GNAT2: variants seen among roughly 807,000 people sequenced by gnomAD.
The protein encoded by GNAT2 is guanine nucleotide-binding protein G(t) subunit alpha-2.
In GNAT2, 32 loss-of-function variants were observed where a neutral mutation model predicts 40.9. That is an observed-to-expected ratio of 0.78 (90% CI 0.59 to 1.05). The LOEUF (loss-of-function observed/expected upper bound fraction) is 1.05, where lower values mean the gene tolerates loss of function less well. Among genes scored for constraint, GNAT2 ranks in the 50% least tolerant of loss-of-function variants. The pLI is 0.00. For synonymous variants in GNAT2, 141 were observed against 157.2 expected (o/e 0.90, Z 0.77); for missense variants, 355 against 431.5 (o/e 0.82, Z 1.57).
chr1:109,604,732 C>T (rs1649541158), intron 7 of GNAT2: 1 of 157,478 alleles, frequency 6.4e-6, no homozygotes, highest in African/African-American at 2.4e-5. Context: ...GCCCATTGCC[C>T]CAGCCCAGCT....
chr1:109,605,826 T>A, intron 7 of GNAT2, 144 bp downstream of exon 7: 1 of 760,894 alleles, frequency 1.3e-6, no homozygotes, highest in Non-Finnish European at 2.4e-6. Flanking sequence ...TTTAGAATTA[T>A]TTGCATGAGA....
chr1:109,613,243 C>T, intron 1 of GNAT2: 2 of 327,716 alleles, frequency 6.1e-6, no homozygotes, highest in Non-Finnish European at 1.2e-5. Context: ...ACGACTACTT[C>T]CATCCTTTAA....
chr1:109,613,235 G>A (rs111639023), intron 1 of GNAT2: 2 of 333,878 alleles, frequency 6.0e-6, no homozygotes, highest in South Asian at 5.0e-5. Flanking sequence ...TAGGATGCAC[G>A]ACTACTTCCA....
At chr1:109,610,595 T>A in intron 2 of GNAT2, 88 bp from the exon 3 acceptor site, 1 of 1,084,092 alleles carries the variant, frequency 9.2e-7, no homozygotes, top group South Asian at 1.3e-5. Flanking sequence ...GAGCCACTGC[T>A]TGCTTGGGGG....
Position 109,606,019 on chromosome 1 carries a change from C to T in GNAT2, c.671G>A (p.Cys224Tyr). 6.2e-7 allele frequency: 1 copy of T among 1,613,218 alleles called. No individual in the cohort carries two copies. Among genetic ancestry groups the T allele is most frequent in the Admixed American group, 1.7e-5 (1 of 60,016 alleles). ...CFEGVTCIIF[C>Y]AALSAYDMVL... ...CATATCATAGGCACTGAGGGCTGCA[C>T]AGAAAATGATGCAGGTGACTCCCTC... Residue 224 changes from cysteine (C) to tyrosine (Y), a missense_variant, in exon 7 of 9, where the codon TGT (cysteine) becomes TAT (tyrosine). By Grantham distance (194) the Cys-to-Tyr change is radical. Transcript: ENST00000679935.
At chr1:109,611,977 T>C (rs1254169838) in intron 2 of GNAT2, 1 of 152,646 alleles carries the variant, frequency 6.6e-6, no homozygotes, top group African/African-American at 2.4e-5. Flanking sequence ...CTGCTCCAGC[T>C]ACCCTACTTC....
chr1:109,610,432 T>C (rs754951371), intron 3 of GNAT2, 33 bp downstream of exon 3: 2 of 1,602,780 alleles, frequency 1.2e-6, no homozygotes, highest in Non-Finnish European at 1.7e-6. Flanking sequence ...TTCTTCACCC[T>C]ATCTTGTCTT....
chr1:109,610,113 A>C lies in GNAT2; in HGVS notation c.230T>G (p.Val77Gly). ...LEFKAIIYGNVLQSILAIIRA... is the reference protein window; with the variant it reads ...LEFKAIIYGNGLQSILAIIRA... ...GATGATAGCCAGGATGGACTGCAGC[A>C]CATTTCCATAGATGATAGCCTTGAA... The change falls in exon 4 of 9, where the codon GTG (valine) becomes GGG (glycine). Residue 77 changes from valine (V) to glycine (G), a missense_variant. Val to Gly is a moderately radical substitution (Grantham distance 109, BLOSUM62 -3). Coordinates refer to ENST00000679935, the MANE Select transcript of GNAT2 (RefSeq NM_001377295.2). The C allele has an allele frequency of 6.2e-7, 1 of 1,613,638 alleles. No individual in the cohort carries two copies. Among genetic ancestry groups the C allele is most frequent in the Non-Finnish European group, 8.5e-7 (1 of 1,179,548 alleles).
intron 2 of GNAT2, chr1:109,612,535 C>A: frequency 1.8e-6 from 1 of 570,324 alleles, no homozygotes; most frequent in South Asian, 1.9e-5. Context: ...TAGAAAAACT[C>A]TGGAATAGCC....
chr1:109,615,077 A>T (rs1403213355), intron 1 of GNAT2: 1 of 152,206 alleles, frequency 6.6e-6, no homozygotes, highest in East Asian at 1.9e-4. Context: ...AACTATTAAT[A>T]ATTATTATGT....
rs1422557341 is a variant in GNAT2, at chr1:109,605,590, CTCTGT to C, written c.720+375_720+379del. 2.1e-5 allele frequency: 7 copies of C among 329,142 alleles called. No individual in the cohort carries two copies. The East Asian group carries it at 5.5e-4, about 26-fold the overall frequency. The allele number at this position is 329,142 out of a possible 1,614,324, so 20.4% of individuals were successfully genotyped here. A position where few individuals can be genotyped will look rare whatever the true frequency, so the allele number is the denominator to read the frequency against. On this transcript the variant is annotated intron_variant, in intron 7 of 8. Coordinates refer to ENST00000679935, the MANE Select transcript of GNAT2 (RefSeq NM_001377295.2). Reference sequence around the variant, plus strand: ...GAAGATTCATATCATATGTTATTTTCTCTGTTCTGTCATTTTCATCTCCTTCCTTA... The same window carrying C: ...GAAGATTCATATCATATGTTATTTTCTCTGTCATTTTCATCTCCTTCCTTA...
chr1:109,603,958 C>T lies in GNAT2; in HGVS notation c.867G>A (p.Glu289=). 6.2e-7 allele frequency: 1 copy of T among 1,604,922 alleles called. No individual in the cohort carries two copies. The highest frequency in any genetic ancestry group is 8.5e-7 in the Non-Finnish European group (1 of 1,172,006). Residue 289 remains glutamate (E), a synonymous_variant, in exon 8 of 9, where the codon GAG becomes GAA. Transcript: ENST00000679935. ...KKVHLSICFP[E]YDGNNSYDDA... is the part of the protein sequence containing the mutation. ...CCAGCCCCTGACACTTACCATCATACTCTGGAAAACAAATGCTGAGATGGA... is the reference window on the plus strand; with the variant it reads ...CCAGCCCCTGACACTTACCATCATATTCTGGAAAACAAATGCTGAGATGGA...
intron 4 of GNAT2, chr1:109,609,337 A>G (rs1649718801): frequency 5.4e-6 from 1 of 185,066 alleles, no homozygotes; most frequent in African/African-American, 2.4e-5. Context: ...TATGTGTTAT[A>G]AAGTAGGGCT....
intron 1 of GNAT2, chr1:109,614,555 T>C (rs764046632): frequency 7.9e-5 from 12 of 152,222 alleles, no homozygotes; most frequent in Non-Finnish European, 1.0e-4. Flanking sequence ...AAAATACTGA[T>C]TTAATTGGTC....
chr1:109,605,508 T>C (rs1649565874), intron 7 of GNAT2: 1 of 283,112 alleles, frequency 3.5e-6, no homozygotes, highest in Non-Finnish European at 6.9e-6. Flanking sequence ...CTACGGACAG[T>C]ACATTTTTAG....
At chr1:109,605,103 A>G (rs1649552684) in intron 7 of GNAT2, 2 of 152,370 alleles carry the variant, frequency 1.3e-5, no homozygotes, top group African/African-American at 4.8e-5. Flanking sequence ...GGCAAGGGAT[A>G]GGAGTATCCC....
At chr1:109,616,745 C>A (rs1470278491) in intron 1 of GNAT2, 1 of 152,190 alleles carries the variant, frequency 6.6e-6, no homozygotes, top group Non-Finnish European at 1.5e-5. Flanking sequence ...AATGAATAGA[C>A]TTTCCACAGA....
intron 1 of GNAT2, chr1:109,616,681 T>G (rs190355350): frequency 4.4e-4 from 67 of 152,230 alleles, no homozygotes; most frequent in African/African-American, 1.3e-3. Context: ...AACACACATC[T>G]GACTGTCAGA....
At chr1:109,603,640 T>C (rs1251355810) in intron 8 of GNAT2, 96 bp from the exon 9 acceptor site, 10 of 856,488 alleles carry the variant, frequency 1.2e-5, no homozygotes, top group Admixed American at 1.8e-5. Context: ...TGAAATGTTA[T>C]TAGACAACAG....
Sources: gnomAD v4.1 joint callset for allele counts on GRCh38, gnomAD v4.1.1 for gene constraint, MANE v1.5 for transcripts, NCBI Gene and HGNC (gene_info 2026-07-23, HGNC 2026-07-21) for gene names.